CD163L1: variants seen among roughly 807,000 people sequenced by gnomAD.
CD163L1 encodes the protein CD163 molecule like 1.
CD163L1 carries 124 observed loss-of-function variants against 165.4 expected under a neutral mutation model. The observed-to-expected ratio is 0.75, with a 90% CI of 0.65 to 0.87. The LOEUF is 0.87. Among genes scored for constraint, CD163L1 ranks in the 40% least tolerant of loss-of-function variants. CD163L1 has a pLI of 0.00. For synonymous variants in CD163L1, 585 were observed against 662.2 expected (o/e 0.88, Z 1.79); for missense variants, 1,525 against 1,799.9 (o/e 0.85, Z 2.76).
At chr12:7,354,351 C>G (rs781209878), downstream of CD163L1, among the ~76,000 whole-genome samples, 8 of 152,012 alleles carry the variant, frequency 5.3e-5, no homozygotes, top group South Asian at 1.7e-3. Flanking sequence ...CTGAGGAAGC[C>G]AAGTTAGAAG....
intron 4 of CD163L1, among the ~76,000 whole-genome samples, chr12:7,431,354 T>G (rs1948624204): frequency 6.6e-6 from 1 of 151,436 alleles, no homozygotes; most frequent in Non-Finnish European, 1.5e-5. Flanking sequence ...GAGGTGGAGG[T>G]TGCAGTGAGC....
At chr12:7,333,191 T>C in the CD163L1 span, among the ~76,000 whole-genome samples, 1 of 152,202 alleles carries the variant, frequency 6.6e-6, no homozygotes, top group African/African-American at 2.4e-5. Flanking sequence ...ATATACGTTC[T>C]TTTCAGCACC....
intron 2 of CD163L1, chr12:7,438,934 T>C (rs200063332): frequency 8.7e-6 from 14 of 1,606,244 alleles, no homozygotes; most frequent in Non-Finnish European, 1.2e-5. Flanking sequence ...TTTTCTTCTC[T>C]AAGAATGCGT....
At chr12:7,376,277 TA>T (rs564253914) in intron 9 of CD163L1, among the ~76,000 whole-genome samples, 8 of 152,134 alleles carry the variant, frequency 5.3e-5, no homozygotes, top group Non-Finnish European at 1.2e-4. Flanking sequence ...TTGTTTACAT[TA>T]AAAAAATACT....
intron 8 of CD163L1, among the ~76,000 whole-genome samples, chr12:7,380,187 G>A (rs1475937238): frequency 7.2e-5 from 11 of 151,902 alleles, no homozygotes; most frequent in South Asian, 4.1e-4. Context: ...ACTTGCACAC[G>A]CATGTTTATA....
At position 7,374,698 on chromosome 12, in the gene CD163L1, G is replaced by T; in HGVS notation, c.3153C>A (p.Ile1051=). ...TGGTGCCCCAGAAGCCGTCGTGATA[G>T]ATCTCTACTCTCCCGGCACAGCGGC... ...GDSRCAGRVE[I]YHDGFWGTIC... Residue 1051 remains isoleucine, a synonymous_variant, in exon 13 of 20, where the codon ATC becomes ATA. Coordinates refer to ENST00000313599, the MANE Select transcript of CD163L1 (RefSeq NM_174941.6). The surrounding 1 kb of genome is among the most constrained non-coding windows in gnomAD (Gnocchi z 5.4). The T allele has an allele frequency of 6.2e-7, 1 of 1,614,202 alleles. No homozygotes were observed. Among genetic ancestry groups the T allele is most frequent in the East Asian group, 2.2e-5 (1 of 44,878 alleles).
chr12:7,390,940 T>C (rs1286550243), intron 8 of CD163L1, among the ~76,000 whole-genome samples: 2 of 152,192 alleles, frequency 1.3e-5, no homozygotes, highest in African/African-American at 4.8e-5. Context: ...AAGGCAGTTC[T>C]TGACATCTTT....
At chr12:7,348,284 G>A (rs2136361933) in intron 4 of CD163L1, among the ~76,000 whole-genome samples, 1 of 152,344 alleles carries the variant, frequency 6.6e-6, no homozygotes, top group African/African-American at 2.4e-5. Context: ...GTTCATTGGT[G>A]AGACCCAGTC....
At chr12:7,414,728 G>A (rs1948202911) in intron 4 of CD163L1, among the ~76,000 whole-genome samples, 1 of 152,064 alleles carries the variant, frequency 6.6e-6, no homozygotes. Flanking sequence ...CTAGCCACAT[G>A]CAAAGAAATT....
At chr12:7,388,523 A>G (rs1947570607) in intron 8 of CD163L1, among the ~76,000 whole-genome samples, 1 of 149,670 alleles carries the variant, frequency 6.7e-6, no homozygotes, top group Non-Finnish European at 1.5e-5. Context: ...AGGGCAGATC[A>G]CTTGAGCCCG....
rs879870666 is a variant in CD163L1, at chr12:7,347,709, C to T, written c.*25-562G>A. Among the ~76,000 whole-genome samples, 2 of 151,828 alleles carry T rather than the reference C, an allele frequency of 1.3e-5. No individual in the cohort carries two copies. The highest frequency in any genetic ancestry group is 2.9e-5 in the Non-Finnish European group (2 of 67,980). ...GCGTGAACCTGGGAGGCGGAGCTTG[C>T]AGTGAACCAAGTTCACGCGCCACTG... On this transcript the variant is annotated intron_variant, in intron 4 of 4. Coordinates refer to the CD163L1 transcript ENST00000539726. The surrounding 1 kb of genome is among the most constrained non-coding windows in gnomAD (Gnocchi z 4.2).
At chr12:7,429,370 A>G (rs186594852) in intron 4 of CD163L1, among the ~76,000 whole-genome samples, 121 of 152,206 alleles carry the variant, frequency 7.9e-4, no homozygotes, top group African/African-American at 2.8e-3. Context: ...ATTCCTCTAA[A>G]ATCTCCCAAG....
the CD163L1 span, among the ~76,000 whole-genome samples, chr12:7,323,800 G>C: frequency 6.6e-6 from 1 of 152,124 alleles, no homozygotes; most frequent in East Asian, 1.9e-4. Flanking sequence ...GTGCAGTTGG[G>C]GGGTGCTAGA....
intron 4 of CD163L1, among the ~76,000 whole-genome samples, chr12:7,410,933 C>T (rs1291996183): frequency 6.6e-6 from 1 of 150,670 alleles, no homozygotes; most frequent in African/African-American, 2.4e-5. Context: ...AAAATTCAAG[C>T]ATTGCCATAA....
chr12:7,405,268 TTC>T (rs1947994300), intron 5 of CD163L1, among the ~76,000 whole-genome samples: 1 of 152,150 alleles, frequency 6.6e-6, no homozygotes, highest in African/African-American at 2.4e-5. Flanking sequence ...ATGATTAAGA[TTC>T]TCTCTGTTTC....
intron 19 of CD163L1, among the ~76,000 whole-genome samples, chr12:7,355,610 TC>T (rs1219374853): frequency 1.3e-5 from 2 of 152,062 alleles, no homozygotes; most frequent in Non-Finnish European, 2.9e-5. Flanking sequence ...CTGAATTGGG[TC>T]CCCCCAAATT....
intron 6 of CD163L1, among the ~76,000 whole-genome samples, chr12:7,401,413 A>G (rs936540131): frequency 3.3e-5 from 5 of 152,130 alleles, no homozygotes; most frequent in Admixed American, 3.3e-4. Flanking sequence ...AACACAATTT[A>G]TAGATGATAA....
At position 7,375,812 on chromosome 12, in the gene CD163L1, C is replaced by T. The variant is rs1947257394; in HGVS notation, c.2574G>A (p.Trp858Ter). The T allele has an allele frequency of 6.2e-7, 1 of 1,614,042 alleles. No individual in the cohort carries two copies. Among genetic ancestry groups the T allele is most frequent in the Admixed American group, 1.7e-5 (1 of 60,002 alleles). ...DHFGKGNGLT[W>*]AEKFQCEGSE... ...TCCCTTCACACTGGAACTTTTCGGC[C>T]CAAGTTAGACCATTCCCTTTTCCAA... The change falls in exon 10 of 20, where the codon TGG becomes TGA. Residue 858 changes from tryptophan to a stop codon, truncating the protein, a stop_gained. Coordinates refer to ENST00000313599, the MANE Select transcript of CD163L1 (RefSeq NM_174941.6). LOFTEE classifies it high-confidence loss of function.
intron 4 of CD163L1, among the ~76,000 whole-genome samples, chr12:7,421,128 TAC>T (rs1948365458): frequency 9.0e-5 from 1 of 11,108 alleles, no homozygotes; most frequent in Admixed American, 9.7e-4. Flanking sequence ...AATGTATATA[TAC>T]GTATATATGT....
Sources: gnomAD v4.1 joint callset for allele counts (sites outside exome capture counted in the v4.1 genomes callset) on GRCh38, gnomAD v4.1.1 for gene constraint, Gnocchi (gnomAD v3.1) non-coding constraint, MANE v1.5 for transcripts, NCBI Gene and HGNC (gene_info 2026-07-23, HGNC 2026-07-21) for gene names.